PXDNL: variants seen among roughly 807,000 people sequenced by gnomAD.
PXDNL encodes the protein peroxidasin like, also known as probable oxidoreductase PXDNL.
PXDNL carries 145 observed loss-of-function variants against 150.8 expected under a neutral mutation model. The ratio of observed to expected loss-of-function variants is 0.96; its 90% CI spans 0.84 to 1.10. The LOEUF (loss-of-function observed/expected upper bound fraction) is 1.10, where lower values mean the gene tolerates loss of function less well. Among genes scored for constraint, PXDNL ranks in the 50% least tolerant of loss-of-function variants. The pLI is 0.00. For synonymous variants in PXDNL, 757 were observed against 725.7 expected (o/e 1.04, Z -0.69); for missense variants, 2,087 against 1,873.9 (o/e 1.11, Z -2.10).
rs550191426 is a variant in PXDNL at position 51,320,012 on chromosome 8, A to T, written c.4271T>A (p.Val1424Asp). The change falls in exon 23 of 23, where the codon GTC (valine) becomes GAC (aspartate). Residue 1424 changes from valine (V) to aspartate (D), a missense_variant. Transcript: ENST00000356297. ...CTHCICESGQ[V>D]TCVVEICPPA... is the part of the protein sequence containing the mutation. The stretch of plus-strand genomic sequence containing the variant: ...GGGACAAATCTCCACCACACAGGTG[A>T]CCTGGCCACTCTGAAAGGCAGCATG... 3 of 1,524,220 alleles carry T rather than the reference A, an allele frequency of 2.0e-6. No individual in the cohort carries two copies. Among genetic ancestry groups the T allele is most frequent in the African/African-American group, 2.8e-5 (2 of 71,642 alleles). The allele number at this position is 1,524,220 out of a possible 1,614,324, so 94.4% of individuals were successfully genotyped here.
At position 51,345,730 on chromosome 8, in the gene PXDNL, A is replaced by G. The variant is rs531657507; in HGVS notation, c.4016+103T>C. ...TTCATGTGATTCATCCTATATGTAAATAAGTTAACTGTGGTCTCTATTAAA... is the reference window on the plus strand; with the variant it reads ...TTCATGTGATTCATCCTATATGTAAGTAAGTTAACTGTGGTCTCTATTAAA... On this transcript the variant is annotated intron_variant, in intron 20 of 22. Transcript: ENST00000356297. 21 of 625,164 alleles carry G rather than the reference A, an allele frequency of 3.4e-5. No individual in the cohort carries two copies. The East Asian group carries it at 5.3e-4, about 16-fold the overall frequency. 38.7% of individuals were successfully genotyped at this position (625,164 alleles called of 1,614,324 possible). A position where few individuals can be genotyped will look rare whatever the true frequency, so the allele number is the denominator to read the frequency against.
intron 3 of PXDNL, among the ~76,000 whole-genome samples, chr8:51,567,149 T>C (rs921204585): frequency 4.0e-5 from 6 of 151,838 alleles, no homozygotes; most frequent in Admixed American, 1.3e-4. Flanking sequence ...ATACTTTGTA[T>C]GCTTTCTATT....
At chr8:51,646,966 G>C (rs567343625) in intron 2 of PXDNL, among the ~76,000 whole-genome samples, 2 of 152,094 alleles carry the variant, frequency 1.3e-5, no homozygotes, top group Non-Finnish European at 2.9e-5. Context: ...GAGTGCAAAT[G>C]TCTATTACTA....
intron 1 of PXDNL, among the ~76,000 whole-genome samples, chr8:51,760,765 TAATACTTGTGTGCTTTAGTTCATGGTG>T (rs1202289604): frequency 6.6e-6 from 1 of 151,600 alleles, no homozygotes; most frequent in Admixed American, 6.6e-5. Flanking sequence ...TTTATAACAG[TAATACTTGTGTGCTTTAGTTCATGGTG>T]AAATCCCTGT....
chr8:51,726,551 A>G (rs746673178), intron 1 of PXDNL, among the ~76,000 whole-genome samples: 6 of 152,192 alleles, frequency 3.9e-5, no homozygotes, highest in Non-Finnish European at 7.4e-5. Context: ...ATACTTGCCT[A>G]TAAGGCCTTT....
At chr8:51,576,358 A>T (rs1230714683) in intron 3 of PXDNL, among the ~76,000 whole-genome samples, 1 of 151,936 alleles carries the variant, frequency 6.6e-6, no homozygotes, top group Admixed American at 6.6e-5. Context: ...CACACAAAAA[A>T]CCAATAGCAA....
At chr8:51,700,459 A>G (rs1816231892) in intron 1 of PXDNL, among the ~76,000 whole-genome samples, 1 of 152,080 alleles carries the variant, frequency 6.6e-6, no homozygotes, top group African/African-American at 2.4e-5. Flanking sequence ...ATACACACAT[A>G]TATCTACACA....
chr8:51,763,339 CA>C lies in PXDNL; in HGVS notation c.164+45841del, dbSNP rs370611343. On this transcript the variant is annotated intron_variant, in intron 1 of 22. Coordinates refer to ENST00000356297, the MANE Select transcript of PXDNL (RefSeq NM_144651.5). ...AAGTATTAAAAAAAAAAAAAAGAAC[CA>C]AAATGGCGGAGTATGACCTTCCTGG... Among the ~76,000 whole-genome samples the C allele has an allele frequency of 2.5e-3, 360 of 141,212 alleles. 3 individuals carry two copies. The highest frequency in any genetic ancestry group is 8.8e-3 in the African/African-American group (340 of 38,738). The allele number at this position is 141,212 out of a possible 152,430, so 92.6% of individuals were successfully genotyped here. A position where few individuals can be genotyped will look rare whatever the true frequency, so the allele number is the denominator to read the frequency against.
At chr8:51,761,475 TTTA>T (rs1319219186) in intron 1 of PXDNL, among the ~76,000 whole-genome samples, 1 of 152,240 alleles carries the variant, frequency 6.6e-6, no homozygotes, top group African/African-American at 2.4e-5. Context: ...CAGCCATTAT[TTTA>T]TTATTACCCC....
chr8:51,699,398 G>T (rs1430516603), intron 1 of PXDNL, among the ~76,000 whole-genome samples: 1 of 152,158 alleles, frequency 6.6e-6, no homozygotes, highest in Non-Finnish European at 1.5e-5. Flanking sequence ...AAATCTCCCA[G>T]CCTTCATAGA....
intron 17 of PXDNL, among the ~76,000 whole-genome samples, chr8:51,377,754 C>A (rs929257319): frequency 1.3e-5 from 2 of 152,182 alleles, no homozygotes; most frequent in African/African-American, 2.4e-5. Flanking sequence ...TGCCTCCCTG[C>A]GGGGCAGGGC....
chr8:51,391,312 G>A (rs1173789097), intron 17 of PXDNL, among the ~76,000 whole-genome samples: 2 of 152,044 alleles, frequency 1.3e-5, no homozygotes, highest in East Asian at 3.9e-4. Flanking sequence ...CTGAGGAATT[G>A]CCACACTGAC....
intron 19 of PXDNL, among the ~76,000 whole-genome samples, chr8:51,365,981 T>C (rs2915493): frequency 6.6e-6 from 1 of 152,020 alleles, no homozygotes; most frequent in Non-Finnish European, 1.5e-5. Context: ...TCTCCCCCTG[T>C]GAACAGTAGA....
intron 1 of PXDNL, among the ~76,000 whole-genome samples, chr8:51,725,511 G>T (rs1487692491): frequency 6.6e-6 from 1 of 152,106 alleles, no homozygotes; most frequent in Non-Finnish European, 1.5e-5. Flanking sequence ...AGAATAGAAG[G>T]CTTCTATGAT....
chr8:51,696,931 G>A (rs1816161766), intron 1 of PXDNL, among the ~76,000 whole-genome samples: 1 of 51,032 alleles, frequency 2.0e-5, no homozygotes, highest in Non-Finnish European at 4.6e-5. Flanking sequence ...CTGTTTCAAA[G>A]CAGAAACCAA....
At chr8:51,411,669 A>C (rs1808655230) in intron 15 of PXDNL, among the ~76,000 whole-genome samples, 1 of 152,192 alleles carries the variant, frequency 6.6e-6, no homozygotes, top group African/African-American at 2.4e-5. Flanking sequence ...TTTAGGAAAC[A>C]ACATCTATGG....
intron 8 of PXDNL, 86 bp from the exon 9 acceptor site, chr8:51,457,753 G>T: frequency 1.1e-6 from 1 of 904,724 alleles, no homozygotes; most frequent in Non-Finnish European, 1.6e-6. Flanking sequence ...GTACTATATA[G>T]CTATGTTTCA....
intron 1 of PXDNL, among the ~76,000 whole-genome samples, chr8:51,739,590 C>A (rs980657489): frequency 6.6e-6 from 1 of 151,986 alleles, no homozygotes; most frequent in Non-Finnish European, 1.5e-5. Context: ...AAGATAAATA[C>A]ACAAAAATCA....
At chr8:51,446,916 ATAT>A in intron 12 of PXDNL, 85 bp downstream of exon 12, 1 of 1,095,922 alleles carries the variant, frequency 9.1e-7, no homozygotes, top group African/African-American at 1.6e-5. Flanking sequence ...ATATAGTCAT[ATAT>A]GTCATAAGAT....
Sources: gnomAD v4.1 joint callset for allele counts (sites outside exome capture counted in the v4.1 genomes callset) on GRCh38, gnomAD v4.1.1 for gene constraint, MANE v1.5 for transcripts, NCBI Gene and HGNC (gene_info 2026-07-23, HGNC 2026-07-21) for gene names.